The following MED27 variants were observed in gnomAD, a reference collection of about 807,000 sequenced individuals.
MED27 encodes the protein mediator complex subunit 27.
A neutral mutation model predicts 38.2 loss-of-function variants in MED27; 30 were observed. That is an observed-to-expected ratio of 0.79 (90% CI 0.59 to 1.07). The LOEUF is 1.07. MED27 is among the 50% of genes least tolerant of loss of function. The pLI, the probability that MED27 is intolerant of heterozygous loss-of-function variation, is 0.00. For synonymous variants in MED27, 122 were observed against 153.5 expected, an observed-to-expected ratio of 0.79 and a Z score of 1.52; for missense variants, 289 against 397.5, an observed-to-expected ratio of 0.73 and a Z score of 2.32.
intron 3 of MED27, among the ~76,000 whole-genome samples, chr9:131,986,999 AT>A (rs66519112): frequency 0.078 from 3,590 of 45,924 alleles, 19 homozygotes; most frequent in South Asian, 0.11. Flanking sequence ...GAGTTCATGG[AT>A]TTTTTTTTTT....
chr9:131,923,173 T>C (rs1332651631), intron 4 of MED27, among the ~76,000 whole-genome samples: 1 of 152,206 alleles, frequency 6.6e-6, no homozygotes, highest in Non-Finnish European at 1.5e-5. Context: ...CACATCTATA[T>C]CTATTTCTAC....
chr9:132,010,813 G>A lies in MED27; in HGVS notation c.479+3524C>T, dbSNP rs535176643. Reference sequence around the variant, plus strand: ...AACCAAACACCACATGTTGTCACTCGTAAGTGGGAATTGAACAATGAGAAC... The same window carrying A: ...AACCAAACACCACATGTTGTCACTCATAAGTGGGAATTGAACAATGAGAAC... On this transcript the variant is annotated intron_variant, in intron 3 of 7. Coordinates refer to ENST00000292035, the MANE Select transcript of MED27 (RefSeq NM_004269.4). 4.4e-4 allele frequency among the ~76,000 whole-genome samples: 67 copies of A among 152,146 alleles called. 1 individual carries two copies. The highest frequency in any genetic ancestry group is 3.4e-3 in the Middle Eastern group (1 of 294).
chr9:131,897,366 T>C (rs532093778), intron 4 of MED27, among the ~76,000 whole-genome samples: 159 of 152,388 alleles, frequency 1.0e-3, no homozygotes, highest in African/African-American at 3.7e-3. Flanking sequence ...ACAACGGTTA[T>C]GCCAACCAGA....
intron 6 of MED27, among the ~76,000 whole-genome samples, chr9:131,865,052 A>G (rs1276535868): frequency 6.6e-6 from 1 of 152,212 alleles, no homozygotes; most frequent in Non-Finnish European, 1.5e-5. Flanking sequence ...GGTGCCCAAT[A>G]CATATTTGCT....
chr9:131,911,598 C>T (rs1436600905), intron 4 of MED27, among the ~76,000 whole-genome samples: 1 of 152,134 alleles, frequency 6.6e-6, no homozygotes. Context: ...CTGTTATTTG[C>T]AGGAAAAGAA....
At chr9:131,994,925 G>C (rs1164080460) in intron 3 of MED27, among the ~76,000 whole-genome samples, 2 of 152,238 alleles carry the variant, frequency 1.3e-5, no homozygotes, top group Non-Finnish European at 2.9e-5. Context: ...TGGCATGTGG[G>C]TAAAAGCCAA....
chr9:131,919,642 C>T (rs946040077), intron 4 of MED27, among the ~76,000 whole-genome samples: 4 of 151,946 alleles, frequency 2.6e-5, no homozygotes, highest in African/African-American at 7.3e-5. Context: ...TACAACAGTG[C>T]GGATAAAGAC....
Position 132,070,849 on chromosome 9 carries a change from A to T in MED27, c.348+6593T>A, listed in dbSNP as rs1833920506. 2.2e-5 allele frequency among the ~76,000 whole-genome samples: 3 copies of T among 138,374 alleles called. No homozygotes were observed. The South Asian group carries it at 7.6e-4, about 35-fold the overall frequency. The allele number at this position is 138,374 out of a possible 152,430, so 90.8% of individuals were successfully genotyped here. A position where few individuals can be genotyped will look rare whatever the true frequency, so the allele number is the denominator to read the frequency against. ...ACCTCCACCCCCAGGTTCTGTGAGG[A>T]AAGAACTGCCCCCCACACACTAATT... is the stretch of plus-strand genomic sequence containing the variant. On this transcript the variant is annotated intron_variant, in intron 2 of 7. Coordinates refer to ENST00000292035, the MANE Select transcript of MED27 (RefSeq NM_004269.4).
intron 5 of MED27, among the ~76,000 whole-genome samples, chr9:131,891,497 A>G (rs1839228157): frequency 6.6e-6 from 1 of 152,212 alleles, no homozygotes; most frequent in Non-Finnish European, 1.5e-5. Context: ...AAAATATTGC[A>G]TACTCTCTAC....
intron 2 of MED27, among the ~76,000 whole-genome samples, chr9:132,076,943 T>C (rs1447408342): frequency 1.3e-5 from 2 of 152,224 alleles, no homozygotes; most frequent in African/African-American, 2.4e-5. Context: ...ACAATCTCCC[T>C]TAGGTGGCAT....
intron 3 of MED27, among the ~76,000 whole-genome samples, chr9:131,955,330 T>C (rs1831074804): frequency 6.6e-6 from 1 of 151,792 alleles, no homozygotes; most frequent in African/African-American, 2.4e-5. Flanking sequence ...GAAAAAAGAC[T>C]TGAAGATCAA....
At chr9:131,987,941 T>C (rs1194781999) in intron 3 of MED27, among the ~76,000 whole-genome samples, 3 of 152,152 alleles carry the variant, frequency 2.0e-5, no homozygotes, top group African/African-American at 4.8e-5. Flanking sequence ...ACAAAGAGAG[T>C]GTGCTCCAAG....
chr9:131,947,600 A>G (rs1319937857), intron 3 of MED27, among the ~76,000 whole-genome samples: 11 of 152,174 alleles, frequency 7.2e-5, no homozygotes, highest in Non-Finnish European at 1.5e-5. Flanking sequence ...AATACATTGC[A>G]AACTATTTGT....
At chr9:132,073,438 G>T in intron 2 of MED27, 2 of 1,100,880 alleles carry the variant, frequency 1.8e-6, no homozygotes, top group Non-Finnish European at 2.2e-6. Context: ...AGTTGCTGGG[G>T]ACTCCCAGCA....
intron 4 of MED27, among the ~76,000 whole-genome samples, chr9:131,936,306 A>G (rs1830684397): frequency 6.6e-6 from 1 of 152,142 alleles, no homozygotes; most frequent in Non-Finnish European, 1.5e-5. Context: ...GCCACGGGAA[A>G]CAACTGCCTC....
chr9:132,015,394 T>C (rs1335089160), intron 2 of MED27, among the ~76,000 whole-genome samples: 2 of 152,226 alleles, frequency 1.3e-5, no homozygotes, highest in Non-Finnish European at 2.9e-5. Flanking sequence ...TTAGGATAGA[T>C]AACTTTACTT....
At chr9:131,979,347 A>C (rs959148146) in intron 3 of MED27, among the ~76,000 whole-genome samples, 29 of 152,136 alleles carry the variant, frequency 1.9e-4, no homozygotes, top group Admixed American at 1.9e-3. Flanking sequence ...ATCTCGTTTT[A>C]AGCAGATTAG....
chr9:132,046,833 TAC>T (rs1297467248), intron 2 of MED27, among the ~76,000 whole-genome samples: 1 of 152,214 alleles, frequency 6.6e-6, no homozygotes, highest in Non-Finnish European at 1.5e-5. Flanking sequence ...TCTGCCCTGC[TAC>T]AGTTTTGTCA....
intron 3 of MED27, among the ~76,000 whole-genome samples, chr9:131,977,468 C>T (rs550134934): frequency 2.2e-4 from 33 of 152,268 alleles, no homozygotes; most frequent in African/African-American, 7.5e-4. Context: ...TGAAAACCAT[C>T]GTTAGGGCAA....
Sources: allele counts gnomAD v4.1 joint callset (sites outside exome capture counted in the v4.1 genomes callset), GRCh38; gene constraint gnomAD v4.1.1; transcripts MANE v1.5; gene names NCBI Gene and HGNC (gene_info 2026-07-23, HGNC 2026-07-21).